The following ANXA4 variants were observed in gnomAD, a reference collection of about 807,000 sequenced individuals.
ANXA4 encodes 35-beta calcimedin.
In ANXA4, 39 loss-of-function variants were observed where a neutral mutation model predicts 49.8. The observed-to-expected ratio is 0.78, with a 90% CI of 0.61 to 1.02. The LOEUF (loss-of-function observed/expected upper bound fraction) is 1.02. Among genes scored for constraint, ANXA4 ranks in the 50% least tolerant of loss-of-function variants. The probability of loss-of-function intolerance (pLI) is 0.00; values close to 1 mark genes in which losing one functional copy is unlikely to be tolerated. For synonymous variants in ANXA4, 134 were observed against 152.5 expected (o/e 0.88, Z 0.89); for missense variants, 360 against 410.1 (o/e 0.88, Z 1.05).
chr2:69,714,920 C>A (rs2105414217), intron 2 of ANXA4, among the ~76,000 whole-genome samples: 1 of 152,306 alleles, frequency 6.6e-6, no homozygotes, highest in South Asian at 2.1e-4. Context: ...CAAGGTCCTC[C>A]CTCCAGGGTG....
chr2:69,730,071 G>T (rs1483024066), intron 3 of ANXA4, among the ~76,000 whole-genome samples: 1 of 152,212 alleles, frequency 6.6e-6, no homozygotes, highest in Non-Finnish European at 1.5e-5. Context: ...CAGGCACGAT[G>T]GCACACACAT....
intron 2 of ANXA4, among the ~76,000 whole-genome samples, chr2:69,698,410 C>T (rs1678225250): frequency 6.6e-6 from 1 of 152,206 alleles, no homozygotes; most frequent in Non-Finnish European, 1.5e-5. Context: ...CTTCAACTCC[C>T]TCCATTTCCT....
At chr2:69,675,828 C>G (rs1316803113) in intron 2 of ANXA4, among the ~76,000 whole-genome samples, 1 of 151,956 alleles carries the variant, frequency 6.6e-6, no homozygotes, top group African/African-American at 2.4e-5. Flanking sequence ...TCAAGACCAT[C>G]CTGGCTAACA....
chr2:69,784,505 G>A (rs916835646), intron 2 of ANXA4, among the ~76,000 whole-genome samples: 4 of 152,184 alleles, frequency 2.6e-5, no homozygotes, highest in African/African-American at 9.7e-5. Flanking sequence ...AGCCATGTTG[G>A]AATTCTGACA....
intron 2 of ANXA4, among the ~76,000 whole-genome samples, chr2:69,786,781 G>T (rs1040662000): frequency 2.0e-5 from 3 of 151,864 alleles, no homozygotes; most frequent in Non-Finnish European, 2.9e-5. Context: ...GAGCACAGTG[G>T]TATGATCTCG....
chr2:69,644,165 T>TTCCCCCCCCCCCCCC (rs1553424953), upstream of ANXA4, among the ~76,000 whole-genome samples: 1 of 21,116 alleles, frequency 4.7e-5, no homozygotes, highest in African/African-American at 1.7e-4. Flanking sequence ...ACAACTAAGT[T>TTCCCCCCCCCCCCCC]CCCCCCCCCC....
intron 1 of ANXA4, among the ~76,000 whole-genome samples, chr2:69,755,468 ACG>A (rs1177090258): frequency 1.3e-5 from 2 of 152,130 alleles, no homozygotes; most frequent in East Asian, 3.9e-4. Flanking sequence ...AAAATTAGCC[ACG>A]CATGGTGGCC....
intron 1 of ANXA4, among the ~76,000 whole-genome samples, chr2:69,755,073 G>T (rs1352422340): frequency 6.6e-6 from 1 of 152,208 alleles, no homozygotes; most frequent in Non-Finnish European, 1.5e-5. Context: ...CATGCTAAGT[G>T]AAATAATCCA....
chr2:69,671,286 A>C (rs1441164838), intron 2 of ANXA4, among the ~76,000 whole-genome samples: 1 of 152,204 alleles, frequency 6.6e-6, no homozygotes, highest in Non-Finnish European at 1.5e-5. Flanking sequence ...GACAGGCTAA[A>C]ACTCAATCAA....
rs867154193 is a variant in ANXA4 at position 69,676,020 on chromosome 2, T to A, written n.766+22738T>A. On this transcript the variant is annotated intron_variant and non_coding_transcript_variant, in intron 2 of 3. Transcript: ENST00000418066. The stretch of plus-strand genomic sequence containing the variant: ...AGACTCTGTCTCAAAAAAAAAAAAA[T>A]AATAATGATAATAATAATAATAATA... Among the ~76,000 whole-genome samples, 1,285 of 148,678 alleles carry A rather than the reference T, an allele frequency of 8.6e-3. 22 individuals carry two copies. The highest frequency in any genetic ancestry group is 0.029 in the African/African-American group (1,182 of 40,630).
At chr2:69,817,128 C>A (rs563612967) in intron 9 of ANXA4, 1 of 152,342 alleles carries the variant, frequency 6.6e-6, no homozygotes, top group Admixed American at 6.5e-5. Flanking sequence ...ACAGGAATCT[C>A]CCCCTGGTGG....
At chr2:69,657,251 C>T (rs1054540762) in intron 2 of ANXA4, among the ~76,000 whole-genome samples, 3 of 151,998 alleles carry the variant, frequency 2.0e-5, no homozygotes, top group Non-Finnish European at 2.9e-5. Context: ...CCTCGACCTC[C>T]CAAAGTGCTA....
At chr2:69,759,100 C>A (rs1671171768) in intron 1 of ANXA4, among the ~76,000 whole-genome samples, 1 of 146,974 alleles carries the variant, frequency 6.8e-6, no homozygotes, top group Non-Finnish European at 1.5e-5. Context: ...AGCACCACTG[C>A]ACTCCAGCGA....
At chr2:69,709,311 A>G (rs1179154247) in intron 2 of ANXA4, among the ~76,000 whole-genome samples, 2 of 152,238 alleles carry the variant, frequency 1.3e-5, no homozygotes, top group East Asian at 3.8e-4. Context: ...TTACTTCGTC[A>G]AAGTCTGACC....
chr2:69,687,675 G>A (rs766745331), intron 2 of ANXA4, among the ~76,000 whole-genome samples: 2 of 152,146 alleles, frequency 1.3e-5, no homozygotes, highest in East Asian at 1.9e-4. Flanking sequence ...GATGGGGCTG[G>A]ATAATCTTGA....
chr2:69,694,983 A>G (rs1678113786), intron 2 of ANXA4, among the ~76,000 whole-genome samples: 1 of 151,990 alleles, frequency 6.6e-6, no homozygotes, highest in Non-Finnish European at 1.5e-5. Context: ...TCTCTACAAA[A>G]AGTACAAAAA....
Position 69,787,999 on chromosome 2 carries a change from C to G in ANXA4, c.10-55C>G, listed in dbSNP as rs1573255676. ...CAACAAATGTTTGCCGAATGAGATG[C>G]CTCCGTGTTGGTGAGAGGCTGCCTC... is the stretch of plus-strand genomic sequence containing the variant. On this transcript the variant is annotated intron_variant, in intron 2 of 12. Transcript: ENST00000394295. 6 of 1,453,702 alleles carry G rather than the reference C, an allele frequency of 4.1e-6. No individual in the cohort carries two copies. The East Asian group carries it at 1.4e-4, about 33-fold the overall frequency. 90.1% of individuals were successfully genotyped at this position (1,453,702 alleles called of 1,614,324 possible). A position where few individuals can be genotyped will look rare whatever the true frequency, so the allele number is the denominator to read the frequency against.
At chr2:69,724,906 C>T (rs1057279551) in intron 3 of ANXA4, among the ~76,000 whole-genome samples, 1 of 152,196 alleles carries the variant, frequency 6.6e-6, no homozygotes, top group African/African-American at 2.4e-5. Context: ...CAGCCGCTGT[C>T]CGTGTGGAAC....
intron 1 of ANXA4, among the ~76,000 whole-genome samples, chr2:69,776,857 A>C (rs1671979238): frequency 6.6e-6 from 1 of 152,140 alleles, no homozygotes; most frequent in African/African-American, 2.4e-5. Flanking sequence ...CAGGTTGGAC[A>C]AGCTTGGGTT....
Sources: gnomAD v4.1 joint callset for allele counts (sites outside exome capture counted in the v4.1 genomes callset) on GRCh38, gnomAD v4.1.1 for gene constraint, MANE v1.5 for transcripts, NCBI Gene and HGNC (gene_info 2026-07-23, HGNC 2026-07-21) for gene names.